The following OPA3 variants were observed in gnomAD, a reference collection of about 807,000 sequenced individuals.
OPA3 encodes the protein outer mitochondrial membrane lipid metabolism regulator OPA3.
A neutral mutation model predicts 4.0 loss-of-function variants in OPA3; 6 were observed. The ratio of observed to expected loss-of-function variants is 1.51; its 90% CI spans 0.83 to 2.99. The LOEUF is 2.99. Ranked by LOEUF, OPA3 falls within the 30% of genes most tolerant of loss-of-function variation. The pLI is 0.00. For synonymous variants in OPA3, 105 were observed against 117.1 expected (o/e 0.90, Z 0.67); for missense variants, 235 against 256.2 (o/e 0.92, Z 0.56).
chr19:45,538,097 T>C (rs1454274892), intron 1 of OPA3, among the ~76,000 whole-genome samples: 1 of 55,808 alleles, frequency 1.8e-5, no homozygotes, highest in Non-Finnish European at 3.1e-5. Flanking sequence ...CTAGGCTCCA[T>C]ATCAAAAAAA....
chr19:45,557,080 G>C (rs1381939989), intron 1 of OPA3, among the ~76,000 whole-genome samples: 1 of 152,214 alleles, frequency 6.6e-6, no homozygotes, highest in African/African-American at 2.4e-5. Flanking sequence ...AGTGGCCAGA[G>C]AGTGGTGAGG....
chr19:45,550,643 T>C lies in OPA3; in HGVS notation c.*2871A>G, dbSNP rs982163754. ...CCCTTTGCTTACCCCTGGCCTTAGT[T>C]TCCCCAGCTCATAGGGTGACTCTTG... On this transcript the variant is annotated 3_prime_UTR_variant, in exon 2 of 2. Coordinates refer to ENST00000263275, the MANE Select transcript of OPA3 (RefSeq NM_025136.4). 6.1e-6 allele frequency: 6 copies of C among 985,980 alleles called. No individual in the cohort carries two copies. The highest frequency in any genetic ancestry group is 1.1e-4 in the East Asian group (1 of 8,834). 61.1% of individuals were successfully genotyped at this position (985,980 alleles called of 1,614,324 possible).
chr19:45,572,752 T>G (rs1969702817), intron 1 of OPA3, among the ~76,000 whole-genome samples: 1 of 134,014 alleles, frequency 7.5e-6, no homozygotes, highest in South Asian at 2.2e-4. Flanking sequence ...TATAGATATA[T>G]ATCTCGATAT....
chr19:45,562,355 A>G (rs1969516065), intron 1 of OPA3, among the ~76,000 whole-genome samples: 1 of 145,082 alleles, frequency 6.9e-6, no homozygotes, highest in African/African-American at 2.5e-5. Context: ...AAAAAAAAAA[A>G]AAAAAAAAGA....
chr19:45,566,561 C>T (rs1752994011), intron 1 of OPA3, among the ~76,000 whole-genome samples: 1 of 151,916 alleles, frequency 6.6e-6, no homozygotes, highest in Non-Finnish European at 1.5e-5. Flanking sequence ...ACCTCTGCCT[C>T]CTAGGTTCGA....
intron 1 of OPA3, among the ~76,000 whole-genome samples, chr19:45,580,439 A>AT (rs1969836903): frequency 6.8e-6 from 1 of 147,020 alleles, no homozygotes; most frequent in African/African-American, 2.5e-5. Context: ...GATTACAGGC[A>AT]TGCGCCACCA....
chr19:45,571,601 G>A (rs970898790), intron 1 of OPA3, among the ~76,000 whole-genome samples: 6 of 152,254 alleles, frequency 3.9e-5, no homozygotes, highest in East Asian at 1.9e-4. Context: ...CTGATGTGAC[G>A]CTCTGGTGAT....
At chr19:45,559,030 C>T (rs1969463224) in intron 1 of OPA3, among the ~76,000 whole-genome samples, 1 of 151,842 alleles carries the variant, frequency 6.6e-6, no homozygotes, top group African/African-American at 2.4e-5. Context: ...ATTACAGGCG[C>T]CCACCACCAT....
intron 1 of OPA3, among the ~76,000 whole-genome samples, chr19:45,571,017 A>T (rs987251683): frequency 2.1e-4 from 31 of 150,698 alleles, no homozygotes; most frequent in African/African-American, 6.6e-4. Flanking sequence ...TATTTTAAAA[A>T]TTTTTATGTT....
chr19:45,564,993 G>A (rs527389384), intron 1 of OPA3, among the ~76,000 whole-genome samples: 34 of 152,206 alleles, frequency 2.2e-4, no homozygotes, highest in African/African-American at 7.2e-4. Context: ...TCGGGAGACC[G>A]AGGTGGGCGG....
chr19:45,529,564 CAA>C (rs1225061003), intron 1 of OPA3: 28 of 1,364,076 alleles, frequency 2.1e-5, no homozygotes, highest in Non-Finnish European at 2.8e-5. Context: ...GTGGTCACCA[CAA>C]TCGGACGCGT....
At chr19:45,576,238 A>G (rs1969765428) in intron 1 of OPA3, among the ~76,000 whole-genome samples, 1 of 145,476 alleles carries the variant, frequency 6.9e-6, no homozygotes, top group African/African-American at 2.6e-5. Flanking sequence ...ACAAAACAAA[A>G]CAAAACAAAA....
intron 1 of OPA3, among the ~76,000 whole-genome samples, chr19:45,579,126 C>T (rs7259298): frequency 0.43 from 65,950 of 152,042 alleles, 17,538 homozygotes; most frequent in African/African-American, 0.74. Context: ...TTCTCCCTGA[C>T]AATCCTATCT....
At chr19:45,544,274 C>T (rs567586645), downstream of OPA3, among the ~76,000 whole-genome samples, 2 of 152,310 alleles carry the variant, frequency 1.3e-5, no homozygotes, top group Admixed American at 6.5e-5. Context: ...TTCATAGCCA[C>T]CACGCGGAGG....
At chr19:45,559,229 T>C (rs1469943913) in intron 1 of OPA3, among the ~76,000 whole-genome samples, 3 of 152,010 alleles carry the variant, frequency 2.0e-5, no homozygotes, top group Non-Finnish European at 4.4e-5. Context: ...TTTCCTTTTC[T>C]GTAATGACTT....
chr19:45,555,636 G>A (rs1568403163), intron 1 of OPA3, among the ~76,000 whole-genome samples: 1 of 151,996 alleles, frequency 6.6e-6, no homozygotes, highest in South Asian at 2.1e-4. Flanking sequence ...GACTACAGGC[G>A]CCCGCTACCA....
chr19:45,543,547 C>T (rs897317641), downstream of OPA3, among the ~76,000 whole-genome samples: 1 of 152,038 alleles, frequency 6.6e-6, no homozygotes, highest in African/African-American at 2.4e-5. Flanking sequence ...GAACTCCTGA[C>T]CTCAAGTGAT....
rs764494903 is a variant in OPA3 at position 45,550,307 on chromosome 19, C to T, written c.*3207G>A. ...GATGGAAGTCGGGGAAAGCCCGGCC[C>T]TCCCACTTTCACCTGCAGCTTCCCA... On this transcript the variant is annotated 3_prime_UTR_variant, in exon 2 of 2. Coordinates refer to ENST00000263275, the MANE Select transcript of OPA3 (RefSeq NM_025136.4). 1.2e-4 allele frequency: 121 copies of T among 985,538 alleles called. No homozygotes were observed. Among genetic ancestry groups the T allele is most frequent in the Admixed American group, 1.8e-4 (3 of 16,288 alleles). 61.0% of individuals were successfully genotyped at this position (985,538 alleles called of 1,614,324 possible). A position where few individuals can be genotyped will look rare whatever the true frequency, so the allele number is the denominator to read the frequency against.
chr19:45,582,361 T>C (rs982181393), intron 1 of OPA3, among the ~76,000 whole-genome samples: 2 of 151,980 alleles, frequency 1.3e-5, no homozygotes, highest in African/African-American at 4.8e-5. Context: ...GGTTTGACCA[T>C]GCTGGCCAGG....
Sources: gnomAD v4.1 joint callset for allele counts (sites outside exome capture counted in the v4.1 genomes callset) on GRCh38, gnomAD v4.1.1 for gene constraint, MANE v1.5 for transcripts, NCBI Gene and HGNC (gene_info 2026-07-23, HGNC 2026-07-21) for gene names.